SIL1: variants seen among roughly 807,000 people sequenced by gnomAD.
The protein encoded by SIL1 is SIL1 nucleotide exchange factor.
In SIL1, 40 loss-of-function variants were observed where a neutral mutation model predicts 49.1. The observed-to-expected ratio is 0.81, with a 90% CI of 0.63 to 1.06. SIL1 has a LOEUF of 1.06. Ranked by LOEUF, SIL1 falls within the 50% of genes least tolerant of loss-of-function variation. The probability of loss-of-function intolerance (pLI) is 0.00; values close to 1 mark genes in which losing one functional copy is unlikely to be tolerated. For missense variants in SIL1, 500 were observed against 572.6 expected (o/e 0.87, Z 1.29); for synonymous variants, 253 against 250.8 (o/e 1.01, Z -0.08).
intron 1 of SIL1, among the ~76,000 whole-genome samples, chr5:139,196,969 A>G (rs908268614): frequency 2.6e-5 from 4 of 151,944 alleles, no homozygotes; most frequent in Non-Finnish European, 4.4e-5. Flanking sequence ...CACAATGTCA[A>G]AAAAAAACCT....
At chr5:139,101,003 T>C (rs1287073017) in intron 3 of SIL1, among the ~76,000 whole-genome samples, 1 of 151,766 alleles carries the variant, frequency 6.6e-6, no homozygotes, top group East Asian at 1.9e-4. Flanking sequence ...GCCTTAAGTG[T>C]AGACAGAGAA....
chr5:139,171,291 G>A (rs1252373986), intron 1 of SIL1, among the ~76,000 whole-genome samples: 4 of 152,124 alleles, frequency 2.6e-5, no homozygotes, highest in African/African-American at 7.2e-5. Flanking sequence ...TTGAGAAATC[G>A]GATGGTTGCC....
intron 3 of SIL1, among the ~76,000 whole-genome samples, chr5:139,072,343 G>T (rs1365311238): frequency 6.6e-6 from 1 of 152,146 alleles, no homozygotes; most frequent in East Asian, 1.9e-4. Context: ...AAATAGAGAT[G>T]AATTCAACGA....
intron 1 of SIL1, among the ~76,000 whole-genome samples, chr5:139,152,396 G>A (rs1751320429): frequency 6.6e-6 from 1 of 152,130 alleles, no homozygotes; most frequent in South Asian, 2.1e-4. Flanking sequence ...CGAGGCAGGT[G>A]GACTGCCTGA....
intron 7 of SIL1, among the ~76,000 whole-genome samples, chr5:139,015,812 G>T (rs1256540142): frequency 1.3e-5 from 2 of 152,212 alleles, no homozygotes; most frequent in African/African-American, 2.4e-5. Context: ...CATCCATAGA[G>T]AATGGGATTT....
At chr5:139,071,623 T>C (rs142752542) in intron 3 of SIL1, among the ~76,000 whole-genome samples, 2 of 152,180 alleles carry the variant, frequency 1.3e-5, no homozygotes, top group East Asian at 3.9e-4. Flanking sequence ...TTTCTATAAT[T>C]AGGATTTTTT....
intron 6 of SIL1, among the ~76,000 whole-genome samples, chr5:139,021,648 C>A (rs1214574881): frequency 1.3e-5 from 2 of 152,190 alleles, no homozygotes; most frequent in Non-Finnish European, 2.9e-5. Flanking sequence ...ATCAGCACCA[C>A]TAAATGGTGC....
intron 1 of SIL1, among the ~76,000 whole-genome samples, chr5:139,185,729 T>C (rs960489060): frequency 3.3e-5 from 5 of 152,212 alleles, no homozygotes; most frequent in South Asian, 2.1e-4. Flanking sequence ...GCCCGAGATA[T>C]CCCAGGCAGC....
chr5:139,126,402 A>G (rs1750754237), intron 2 of SIL1, among the ~76,000 whole-genome samples: 2 of 152,212 alleles, frequency 1.3e-5, no homozygotes, highest in South Asian at 4.1e-4. Context: ...ATTCATCAGC[A>G]TGCCTTTGTT....
At chr5:138,956,816 C>A (rs1561804206) in intron 7 of SIL1, among the ~76,000 whole-genome samples, 2 of 150,920 alleles carry the variant, frequency 1.3e-5, no homozygotes, top group East Asian at 3.9e-4. Flanking sequence ...CAACAAAAAA[C>A]AAAAAACAAA....
chr5:139,169,526 G>T (rs1269166023), intron 1 of SIL1, among the ~76,000 whole-genome samples: 1 of 149,994 alleles, frequency 6.7e-6, no homozygotes, highest in Non-Finnish European at 1.5e-5. Flanking sequence ...GCCCAGGCTG[G>T]ACTGGAGTGC....
chr5:139,061,495 CTCTGCTCCTCACTTGGCTA>C (rs1276863669), intron 3 of SIL1, among the ~76,000 whole-genome samples: 5 of 152,240 alleles, frequency 3.3e-5, no homozygotes, highest in Admixed American at 3.3e-4. Flanking sequence ...AGCCCTGGGA[CTCTGCTCCTCACTTGGCTA>C]TCTTTGTTGG....
At chr5:138,991,572 C>T (rs1477378609) in intron 7 of SIL1, among the ~76,000 whole-genome samples, 1 of 152,242 alleles carries the variant, frequency 6.6e-6, no homozygotes, top group Non-Finnish European at 1.5e-5. Flanking sequence ...GCCTTCTATC[C>T]AGGCAGCACA....
chr5:139,098,989 G>T (rs1561861370), intron 3 of SIL1, among the ~76,000 whole-genome samples: 2 of 151,508 alleles, frequency 1.3e-5, no homozygotes, highest in Middle Eastern at 3.2e-3. Flanking sequence ...GCTAATTTTT[G>T]TATTTTTTGT....
At chr5:139,148,113 A>T (rs971950993) in intron 1 of SIL1, among the ~76,000 whole-genome samples, 4 of 100,342 alleles carry the variant, frequency 4.0e-5, no homozygotes, top group African/African-American at 1.2e-4. Flanking sequence ...AAAGTGCATT[A>T]AAAAAAAAAA....
intron 1 of SIL1, among the ~76,000 whole-genome samples, chr5:139,170,111 C>T (rs1354499782): frequency 4.6e-5 from 7 of 152,248 alleles, no homozygotes; most frequent in South Asian, 2.1e-4. Flanking sequence ...GCGAGTGATC[C>T]GCCAGCCTCG....
intron 1 of SIL1, among the ~76,000 whole-genome samples, chr5:139,168,850 T>A (rs971920949): frequency 1.3e-4 from 19 of 151,846 alleles, no homozygotes; most frequent in Non-Finnish European, 2.2e-4. Flanking sequence ...TAGTCCCAGT[T>A]ACTCTGGAGG....
At chr5:138,976,395 C>T (rs1226787729) in intron 7 of SIL1, among the ~76,000 whole-genome samples, 1 of 151,548 alleles carries the variant, frequency 6.6e-6, no homozygotes, top group Admixed American at 6.6e-5. Context: ...TTACTGCAAC[C>T]TCTGCCTCCT....
At chr5:139,055,175 G>T (rs1213480153) in intron 3 of SIL1, among the ~76,000 whole-genome samples, 2 of 152,162 alleles carry the variant, frequency 1.3e-5, no homozygotes, top group Non-Finnish European at 2.9e-5. Flanking sequence ...CTTCAGAGCT[G>T]ATCCCAAGGC....
Sources: gnomAD v4.1 joint callset for allele counts (sites outside exome capture counted in the v4.1 genomes callset) on GRCh38, gnomAD v4.1.1 for gene constraint, MANE v1.5 for transcripts, NCBI Gene and HGNC (gene_info 2026-07-23, HGNC 2026-07-21) for gene names.